CADM2: variants seen among roughly 807,000 people sequenced by gnomAD.
CADM2 encodes the protein cell adhesion molecule 2, also known as immunoglobulin superfamily member 4D.
CADM2 carries 12 observed loss-of-function variants against 49.8 expected under a neutral mutation model. The observed-to-expected ratio is 0.24, with a 90% confidence interval of 0.15 to 0.39. The LOEUF is 0.39. Ranked by LOEUF, CADM2 falls within the 10% of genes least tolerant of loss-of-function variation. The pLI is 1.00. For missense variants in CADM2, 378 were observed against 492.3 expected (o/e 0.77, Z 2.20); for synonymous variants, 214 against 175.4 (o/e 1.22, Z -1.74).
At chr3:85,863,166 G>C (rs1401909408) in intron 3 of CADM2, among the ~76,000 whole-genome samples, 1 of 152,124 alleles carries the variant, frequency 6.6e-6, no homozygotes, top group Non-Finnish European at 1.5e-5. Context: ...CATTTTATAA[G>C]CAGGTGATAG....
chr3:85,045,041 G>C (rs146670153), intron 1 of CADM2, among the ~76,000 whole-genome samples: 1 of 151,942 alleles, frequency 6.6e-6, no homozygotes, highest in Non-Finnish European at 1.5e-5. Context: ...ATCTTTGACC[G>C]TTAGCCTCGA....
At chr3:85,710,613 T>C (rs1017181733) in intron 1 of CADM2, among the ~76,000 whole-genome samples, 1 of 152,198 alleles carries the variant, frequency 6.6e-6, no homozygotes, top group Non-Finnish European at 1.5e-5. Flanking sequence ...GACAGTTTAA[T>C]ACAGAACTGC....
rs564214005 is a variant in CADM2, at chr3:85,554,390, G to C, written c.62-172132G>C. On this transcript the variant is annotated intron_variant, in intron 1 of 9. Coordinates refer to ENST00000383699, the MANE Select transcript of CADM2 (RefSeq NM_001167675.2). ...GTCGCTTGGTTCCTAATAGGCCAGG[G>C]ACCAGTACCGGTTGGCGGCACAAAG... Among the ~76,000 whole-genome samples, 9 of 152,214 alleles carry C rather than the reference G, an allele frequency of 5.9e-5. No individual in the cohort carries two copies. The East Asian group carries it at 1.8e-3, about 30-fold the overall frequency.
chr3:85,534,577 A>G (rs1173285898), intron 1 of CADM2, among the ~76,000 whole-genome samples: 1 of 152,176 alleles, frequency 6.6e-6, no homozygotes, highest in Non-Finnish European at 1.5e-5. Flanking sequence ...CTGCTTTACT[A>G]TACAGTGGCA....
intron 1 of CADM2, among the ~76,000 whole-genome samples, chr3:85,655,743 C>T (rs562107953): frequency 5.9e-5 from 9 of 152,272 alleles, no homozygotes; most frequent in Non-Finnish European, 1.3e-4. Context: ...CTCTCAAACT[C>T]TAAAAGGCAT....
intron 1 of CADM2, among the ~76,000 whole-genome samples, chr3:85,020,752 G>T (rs1010962020): frequency 6.6e-6 from 1 of 151,642 alleles, no homozygotes; most frequent in Non-Finnish European, 1.5e-5. Context: ...TACGGTGTGT[G>T]TGTGTGTGTG....
chr3:85,752,683 T>A (rs1475160374), intron 2 of CADM2, among the ~76,000 whole-genome samples: 1 of 152,120 alleles, frequency 6.6e-6, no homozygotes, highest in Admixed American at 6.6e-5. Flanking sequence ...CATCCTAAAG[T>A]TATTGCCCAA....
In CADM2 at chr3:86,066,886, A is replaced by C; in HGVS notation, c.*103A>C. The C allele has an allele frequency of 1.3e-6, 1 of 777,926 alleles. No individual in the cohort carries two copies. Among genetic ancestry groups the C allele is most frequent in the Non-Finnish European group, 2.3e-6 (1 of 441,774 alleles). The allele number at this position is 777,926 out of a possible 1,614,324, so 48.2% of individuals were successfully genotyped here. On this transcript the variant is annotated 3_prime_UTR_variant, in exon 10 of 10. Coordinates refer to ENST00000383699, the MANE Select transcript of CADM2 (RefSeq NM_001167675.2). ...TCTACCATCGTCTGCTACCCTTATT[A>C]ACTCCCATACTGTACTGCTATCAGT... is the stretch of plus-strand genomic sequence containing the variant.
intron 5 of CADM2, among the ~76,000 whole-genome samples, chr3:85,892,119 G>A (rs1315505531): frequency 2.0e-5 from 3 of 152,174 alleles, no homozygotes; most frequent in African/African-American, 7.2e-5. Flanking sequence ...GACTAGCTTA[G>A]TACTTAAGAG....
chr3:85,309,288 G>T (rs1297169328), intron 1 of CADM2, among the ~76,000 whole-genome samples: 1 of 152,090 alleles, frequency 6.6e-6, no homozygotes, highest in Non-Finnish European at 1.5e-5. Context: ...TTATATGGTA[G>T]CAAAGAGACA....
chr3:85,075,564 G>T (rs1020388081), intron 1 of CADM2, among the ~76,000 whole-genome samples: 1 of 152,082 alleles, frequency 6.6e-6, no homozygotes, highest in Non-Finnish European at 1.5e-5. Context: ...ATTTTAACTT[G>T]TTTGTGGGTT....
intron 1 of CADM2, among the ~76,000 whole-genome samples, chr3:85,407,785 T>A (rs958179239): frequency 6.6e-6 from 1 of 152,016 alleles, no homozygotes; most frequent in East Asian, 1.9e-4. Flanking sequence ...GAGTTCTAGA[T>A]GAGCTTGGTC....
At chr3:85,287,024 C>T (rs1365997764) in intron 1 of CADM2, among the ~76,000 whole-genome samples, 1 of 152,090 alleles carries the variant, frequency 6.6e-6, no homozygotes, top group Non-Finnish European at 1.5e-5. Context: ...GAATGCCCCT[C>T]TGAAAATTTA....
chr3:85,230,686 C>A (rs1210692757), intron 1 of CADM2, among the ~76,000 whole-genome samples: 1 of 152,172 alleles, frequency 6.6e-6, no homozygotes, highest in African/African-American at 2.4e-5. Context: ...AGTATTAACT[C>A]TCAGATACTG....
At chr3:85,144,144 T>C (rs1469002748) in intron 1 of CADM2, among the ~76,000 whole-genome samples, 1 of 152,044 alleles carries the variant, frequency 6.6e-6, no homozygotes, top group African/African-American at 2.4e-5. Flanking sequence ...CTGTTAACTA[T>C]TTCCAGACCA....
intron 1 of CADM2, among the ~76,000 whole-genome samples, chr3:85,695,606 A>G (rs919853561): frequency 4.0e-5 from 6 of 151,888 alleles, no homozygotes; most frequent in Admixed American, 1.3e-4. Flanking sequence ...ACACACACAC[A>G]CGCACACAAA....
chr3:85,280,575 G>T (rs76441232), intron 1 of CADM2, among the ~76,000 whole-genome samples: 2 of 151,256 alleles, frequency 1.3e-5, no homozygotes, highest in Non-Finnish European at 3.0e-5. Flanking sequence ...TCCTGGATCC[G>T]GTTATCCACG....
At chr3:85,760,953 A>G (rs2069341825) in intron 2 of CADM2, among the ~76,000 whole-genome samples, 1 of 152,214 alleles carries the variant, frequency 6.6e-6, no homozygotes, top group African/African-American at 2.4e-5. Context: ...CTACATGATA[A>G]GAAATAGAAA....
intron 8 of CADM2, chr3:86,013,713 G>A: frequency 2.5e-6 from 4 of 1,597,424 alleles, no homozygotes; most frequent in East Asian, 2.2e-5. Context: ...CCTAAGAGAG[G>A]AATTTATAGG....
Sources: gnomAD v4.1 joint callset for allele counts (sites outside exome capture counted in the v4.1 genomes callset) on GRCh38, gnomAD v4.1.1 for gene constraint, MANE v1.5 for transcripts, NCBI Gene and HGNC (gene_info 2026-07-23, HGNC 2026-07-21) for gene names.